The following FRMPD3 variants were observed in gnomAD, a reference collection of about 807,000 sequenced individuals.
FRMPD3 encodes FERM and PDZ domain-containing protein 3.
A neutral mutation model predicts 97.9 loss-of-function variants in FRMPD3; 42 were observed. That is an observed-to-expected ratio of 0.43 (90% CI 0.34 to 0.55). The LOEUF is 0.55. Among genes scored for constraint, FRMPD3 ranks in the 20% least tolerant of loss-of-function variants. FRMPD3 has a pLI of 0.03. For synonymous variants in FRMPD3, 577 were observed against 581.1 expected (o/e 0.99, Z 0.10); for missense variants, 1,303 against 1,457.7 (o/e 0.89, Z 1.73).
In FRMPD3 at chrX:107,556,975, G is replaced by A. The variant is rs746231876; in HGVS notation, c.762+2471G>A. ...GGACATATGCCTTCTTTTCTTTGGG[G>A]TAAACACTTAGAAGTGGAATGGTCT... On this transcript the variant is annotated intron_variant, in intron 8 of 14. Transcript: ENST00000683843. 1.9e-3 allele frequency among the ~76,000 whole-genome samples: 216 copies of A among 111,913 alleles called. 1 individual carries two copies. Among genetic ancestry groups the A allele is most frequent in the African/African-American group, 6.6e-3 (205 of 30,869 alleles).
intron 1 of FRMPD3, among the ~76,000 whole-genome samples, chrX:107,525,015 A>C (rs2147547454): frequency 9.2e-6 from 1 of 108,301 alleles, no homozygotes; most frequent in East Asian, 2.9e-4. Context: ...AAAAAAAAAA[A>C]AAAAAAGAAT....
chrX:107,523,674 T>C (rs1281797762), intron 1 of FRMPD3, among the ~76,000 whole-genome samples: 1 of 112,714 alleles, frequency 8.9e-6, no homozygotes, highest in Non-Finnish European at 1.9e-5. Flanking sequence ...GGCAGAGACC[T>C]GTCACTTCTC....
chrX:107,557,036 A>G (rs1200490057), intron 8 of FRMPD3, among the ~76,000 whole-genome samples: 1 of 112,452 alleles, frequency 8.9e-6, no homozygotes, highest in African/African-American at 3.2e-5. Flanking sequence ...AATTTTGTAA[A>G]GAAACTTTAC....
At chrX:107,596,552 G>A (rs1031876099) in intron 13 of FRMPD3, among the ~76,000 whole-genome samples, 1 of 112,229 alleles carries the variant, frequency 8.9e-6, no homozygotes, top group African/African-American at 3.2e-5. Flanking sequence ...CCATCATTAA[G>A]AGCGGTTGAC....
rs796610991 is a variant in FRMPD3 at position 107,572,908 on chromosome X, C to CTACTACTACTAATAA, written c.1297-3405_1297-3404insCTACTACTAATAATA. Among the ~76,000 whole-genome samples, 213 of 100,993 alleles carry CTACTACTACTAATAA rather than the reference C, an allele frequency of 2.1e-3. 1 individual carries two copies. The highest frequency in any genetic ancestry group is 7.1e-3 in the African/African-American group (189 of 26,763). 87.7% of individuals were successfully genotyped at this position (100,993 alleles called of 115,157 possible). On this transcript the variant is annotated intron_variant, in intron 12 of 14. Transcript: ENST00000683843. Reference sequence around the variant, plus strand: ...ACTACTACTACTACTACTACTACTACTAATAATAATAATAATAATAAAGTA... The same window carrying CTACTACTACTAATAA: ...ACTACTACTACTACTACTACTACTACTACTACTACTAATAATAATAATAATAATAATAATAAAGTA...
intron 12 of FRMPD3, among the ~76,000 whole-genome samples, chrX:107,575,502 G>A (rs1266566178): frequency 1.8e-5 from 2 of 109,746 alleles, no homozygotes. Context: ...CCAGGTTGGA[G>A]TGCAATGGCG....
At position 107,553,733 on chromosome X, in the gene FRMPD3, G is replaced by A. The variant is rs185104263; in HGVS notation, c.643-652G>A. 9.6e-4 allele frequency among the ~76,000 whole-genome samples: 107 copies of A among 111,925 alleles called. 4 individuals carry two copies. The highest frequency in any genetic ancestry group is 8.8e-3 in the Admixed American group (94 of 10,624). ...CAATACAGAGACTCACTGGTGGGAA[G>A]GAAAGGTTGTGGGAGTCCTGCCTGG... is the stretch of plus-strand genomic sequence containing the variant. On this transcript the variant is annotated intron_variant, in intron 7 of 14. Coordinates refer to ENST00000683843, the MANE Select transcript of FRMPD3 (RefSeq NM_001388459.1).
intron 1 of FRMPD3, among the ~76,000 whole-genome samples, chrX:107,498,320 G>A (rs1456951060): frequency 8.9e-6 from 1 of 112,256 alleles, no homozygotes; most frequent in African/African-American, 3.2e-5. Context: ...AGTGGAAGGA[G>A]AAAGACTGCT....
chrX:107,550,564 G>A (rs1229896355), intron 6 of FRMPD3, among the ~76,000 whole-genome samples: 2 of 112,140 alleles, frequency 1.8e-5, no homozygotes, highest in Non-Finnish European at 3.8e-5. Context: ...TGGGAGATTA[G>A]CTTAGTTATG....
intron 5 of FRMPD3, among the ~76,000 whole-genome samples, chrX:107,549,171 AG>A (rs1377046249): frequency 2.7e-5 from 3 of 109,644 alleles, no homozygotes; most frequent in African/African-American, 1.0e-4. Flanking sequence ...AAAATGTCTG[AG>A]GGCCAGGCAT....
chrX:107,565,749 GA>G (rs760093943), intron 12 of FRMPD3, among the ~76,000 whole-genome samples: 11 of 109,270 alleles, frequency 1.0e-4, no homozygotes, highest in South Asian at 3.9e-4. Context: ...AAAGAAAAAA[GA>G]AAAAAAAATT....
intron 11 of FRMPD3, 90 bp from the exon 12 acceptor site, chrX:107,564,797 T>C: frequency 3.1e-6 from 3 of 955,260 alleles, no homozygotes; most frequent in Non-Finnish European, 4.5e-6. Flanking sequence ...GAGAGTCCAA[T>C]GCATGTTTTC....
At chrX:107,517,709 C>T (rs1395848988) in intron 1 of FRMPD3, among the ~76,000 whole-genome samples, 6 of 103,266 alleles carry the variant, frequency 5.8e-5, no homozygotes, top group African/African-American at 1.1e-4. Context: ...TGCAGTGAGC[C>T]GAGATGGTGC....
At chrX:107,495,899 G>A (rs1339564967) in intron 1 of FRMPD3, among the ~76,000 whole-genome samples, 1 of 112,498 alleles carries the variant, frequency 8.9e-6, no homozygotes, top group Non-Finnish European at 1.9e-5. Context: ...ACATACATGT[G>A]TGAGATGTTT....
At chrX:107,495,468 ATT>A (rs1921752943) in intron 1 of FRMPD3, among the ~76,000 whole-genome samples, 1 of 112,119 alleles carries the variant, frequency 8.9e-6, no homozygotes, top group Non-Finnish European at 1.9e-5. Flanking sequence ...TTTAAAATCT[ATT>A]TTGTTCACTG....
intron 1 of FRMPD3, among the ~76,000 whole-genome samples, chrX:107,474,581 C>A (rs901452302): frequency 6.3e-5 from 7 of 111,106 alleles, no homozygotes; most frequent in Non-Finnish European, 1.3e-4. Flanking sequence ...GGGCAAAAAT[C>A]TCATTGGTAG....
intron 3 of FRMPD3, 75 bp downstream of exon 3, chrX:107,530,586 T>TC (rs1257583285): frequency 1.1e-5 from 8 of 706,135 alleles, no homozygotes; most frequent in African/African-American, 4.3e-5. Flanking sequence ...GCCACCACTA[T>TC]CCCCCCCTCG....
chrX:107,600,229 G>A (rs745398498), intron 14 of FRMPD3, 74 bp from the exon 15 acceptor site: 31 of 1,105,580 alleles, frequency 2.8e-5, no homozygotes, highest in African/African-American at 5.6e-5. Flanking sequence ...CATGAATACC[G>A]AGGGACAACC....
At chrX:107,585,875 T>C (rs1334462201) in intron 13 of FRMPD3, among the ~76,000 whole-genome samples, 1 of 112,424 alleles carries the variant, frequency 8.9e-6, no homozygotes, top group Non-Finnish European at 1.9e-5. Flanking sequence ...TTCATTGAAG[T>C]TCATCTGGGA....
Sources: allele counts gnomAD v4.1 joint callset (sites outside exome capture counted in the v4.1 genomes callset), GRCh38; gene constraint gnomAD v4.1.1; transcripts MANE v1.5; gene names NCBI Gene and HGNC (gene_info 2026-07-23, HGNC 2026-07-21).